CSE1L: variants seen among roughly 807,000 people sequenced by gnomAD.
The protein encoded by CSE1L is exportin-2.
A neutral mutation model predicts 120.4 loss-of-function variants in CSE1L; 24 were observed. That is an observed-to-expected ratio of 0.20 (90% confidence interval 0.14 to 0.28). The LOEUF is 0.28. Among genes scored for constraint, CSE1L ranks in the 10% least tolerant of loss-of-function variants. The pLI is 1.00. For synonymous variants in CSE1L, 402 were observed against 398.3 expected (o/e 1.01, Z -0.11); for missense variants, 830 against 1,145.2 (o/e 0.72, Z 3.97).
chr20:49,068,088 G>T (rs1454556467), intron 6 of CSE1L, among the ~76,000 whole-genome samples: 3 of 151,932 alleles, frequency 2.0e-5, no homozygotes, highest in Admixed American at 1.3e-4. Flanking sequence ...GAATAATAAA[G>T]AATTGGAAAC....
chr20:49,071,227 G>T (rs2091929181), intron 8 of CSE1L, among the ~76,000 whole-genome samples: 1 of 152,198 alleles, frequency 6.6e-6, no homozygotes, highest in Non-Finnish European at 1.5e-5. Flanking sequence ...TTGTACAACA[G>T]ATTTTGTCTC....
chr20:49,085,287 A>G lies in CSE1L; in HGVS notation c.1624A>G (p.Thr542Ala). The change falls in exon 16 of 25, where the codon ACA becomes GCA. Residue 542 changes from threonine to alanine, a missense_variant. Thr to Ala is a moderately conservative substitution (Grantham distance 58, BLOSUM62 0). Transcript: ENST00000262982. ...AAGCTGTTTTTTCATCTATAGCTTT[A>G]CAGCTGCAGAAATCGCACCGTTTGT... ...MRGPNNATLF[T>A]AAEIAPFVEI... 1 of 1,613,704 alleles carries G rather than the reference A, an allele frequency of 6.2e-7. No individual in the cohort carries two copies. Among genetic ancestry groups the G allele is most frequent in the Non-Finnish European group, 8.5e-7 (1 of 1,179,660 alleles).
intron 16 of CSE1L, among the ~76,000 whole-genome samples, chr20:49,086,359 CTTTTTTTTTT>C (rs10648977): frequency 1.0e-4 from 8 of 77,644 alleles, no homozygotes; most frequent in African/African-American, 3.0e-4. Context: ...GTTTAATGTC[CTTTTTTTTTT>C]TTTTTTTTTT....
rs868741407 is a variant in CSE1L, at chr20:49,096,829, A to G, written c.*391A>G. The G allele has an allele frequency of 1.2e-5, 2 of 171,434 alleles. No homozygotes were observed. The highest frequency in any genetic ancestry group is 1.6e-4 in the South Asian group (1 of 6,358). The allele number at this position is 171,434 out of a possible 1,614,324, so 10.6% of individuals were successfully genotyped here. A position where few individuals can be genotyped will look rare whatever the true frequency, so the allele number is the denominator to read the frequency against. On this transcript the variant is annotated 3_prime_UTR_variant, in exon 25 of 25. Transcript: ENST00000262982. The stretch of plus-strand genomic sequence containing the variant: ...TGTCCTTTATATTTTTTGTCTGTTT[A>G]TTTACGCTTTTATTGGAAATGTGAA...
At position 49,083,118 on chromosome 20, in the gene CSE1L, G is replaced by A. The variant is rs979662918; in HGVS notation, c.1483-908G>A. ...CAGCTCACTGCAACCTCCGCCTCCT[G>A]GGTTGAAGCCATTCTTCTGCCTCAG... On this transcript the variant is annotated intron_variant, in intron 14 of 24. Coordinates refer to ENST00000262982, the MANE Select transcript of CSE1L (RefSeq NM_001316.4). Among the ~76,000 whole-genome samples the A allele has an allele frequency of 6.6e-5, 10 of 151,690 alleles. No individual in the cohort carries two copies. In the East Asian group the frequency reaches 1.7e-3, roughly 27 times the overall value.
At chr20:49,094,522 A>T (rs1418240971) in intron 23 of CSE1L, among the ~76,000 whole-genome samples, 1 of 152,148 alleles carries the variant, frequency 6.6e-6, no homozygotes, top group African/African-American at 2.4e-5. Context: ...GGTGATCTCT[A>T]AGACAATTTT....
Position 49,084,089 on chromosome 20 carries a change from A to G in CSE1L, c.1546A>G (p.Ile516Val), listed in dbSNP as rs752785644. Residue 516 changes from isoleucine to valine, a missense_variant, in exon 15 of 25, where the codon ATT (isoleucine) becomes GTT (valine). This residue lies in a region of CSE1L where 543 missense variants were observed against 640.2 expected (regional missense o/e 0.85). Transcript: ENST00000262982. ...LLINHLQAES[I>V]VVHTYAAHAL... ...GATTAATCATCTTCAAGCTGAAAGT[A>G]TTGTTGTTCATACTTACGCAGCTCA... The G allele has an allele frequency of 2.5e-6, 4 of 1,614,014 alleles. No homozygotes were observed. The highest frequency in any genetic ancestry group is 3.4e-6 in the Non-Finnish European group (4 of 1,179,918).
chr20:49,080,278 T>TC (rs1425324803), intron 14 of CSE1L, among the ~76,000 whole-genome samples: 3 of 150,512 alleles, frequency 2.0e-5, no homozygotes, highest in African/African-American at 7.3e-5. Context: ...TTGTTTTTTT[T>TC]TTTTTGCTCA....
chr20:49,093,503 G>A (rs895529647), intron 22 of CSE1L, among the ~76,000 whole-genome samples: 1 of 148,780 alleles, frequency 6.7e-6, no homozygotes, highest in African/African-American at 2.5e-5. Flanking sequence ...ACCCAAAAAT[G>A]TTAAAACTAG....
intron 19 of CSE1L, 120 bp from the exon 20 acceptor site, chr20:49,090,622 A>T: frequency 1.3e-6 from 1 of 754,044 alleles, no homozygotes; most frequent in South Asian, 1.8e-5. Context: ...TTCAGAAATA[A>T]TTAAAGAGAA....
At chr20:49,064,045 T>G (rs1254211789) in intron 3 of CSE1L, among the ~76,000 whole-genome samples, 1 of 152,174 alleles carries the variant, frequency 6.6e-6, no homozygotes, top group African/African-American at 2.4e-5. Context: ...CAGGGGACAT[T>G]TGGCAGTATA....
intron 12 of CSE1L, 51 bp downstream of exon 12, chr20:49,075,571 C>A: frequency 7.0e-7 from 1 of 1,421,538 alleles, no homozygotes; most frequent in Non-Finnish European, 9.9e-7. Context: ...CAGTGACACC[C>A]ACACAAGTCA....
intron 3 of CSE1L, among the ~76,000 whole-genome samples, chr20:49,064,208 G>T (rs1253296769): frequency 6.6e-6 from 1 of 152,214 alleles, no homozygotes; most frequent in East Asian, 1.9e-4. Flanking sequence ...GCTCATGATA[G>T]AGAAAAAGAT....
In CSE1L at chr20:49,094,159, GA is replaced by G; in HGVS notation, c.2473del (p.Ile825LeufsTer13). The G allele has an allele frequency of 6.3e-7, 1 of 1,575,538 alleles. No individual in the cohort carries two copies. The highest frequency in any genetic ancestry group is 8.7e-7 in the Non-Finnish European group (1 of 1,150,586). On this transcript the variant is annotated frameshift_variant, in exon 23 of 25. Transcript: ENST00000262982. LOFTEE classifies it high-confidence loss of function. ...TAATAGAATGTTTGGAATGGTTTTG[GA>G]AAAAATTATTATTCCTGAAATTCAG... is the stretch of plus-strand genomic sequence containing the variant. The part of the protein sequence containing the change: ...IQPKMFGMVL[E>X]KIIIPEIQKV...
intron 16 of CSE1L, 80 bp from the exon 17 acceptor site, chr20:49,087,929 C>T (rs971890395): frequency 6.5e-5 from 56 of 865,530 alleles, no homozygotes; most frequent in Admixed American, 5.8e-4. Flanking sequence ...TGAATTAGTG[C>T]GCTTTTTTCC....
intron 19 of CSE1L, 106 bp downstream of exon 19, chr20:49,089,852 G>T: frequency 2.8e-6 from 3 of 1,086,462 alleles, no homozygotes; most frequent in Non-Finnish European, 4.0e-6. Flanking sequence ...AAGGCTGGGG[G>T]CAGTGGCTCA....
At chr20:49,051,953 T>A (rs1285709195) in intron 1 of CSE1L, among the ~76,000 whole-genome samples, 1 of 152,134 alleles carries the variant, frequency 6.6e-6, no homozygotes, top group African/African-American at 2.4e-5. Flanking sequence ...GCCTCGGCCT[T>A]CCAAAGCGCT....
rs772548087 is a variant in CSE1L at position 49,072,435 on chromosome 20, A to G, written c.918A>G (p.Gln306=). The change falls in exon 9 of 25, where the codon CAA becomes CAG. Residue 306 remains glutamine, a synonymous_variant. Transcript: ENST00000262982. ...GGAATTTACTAGTTACAACGGGTCA[A>G]GAGGTTAAATATGATTTGGTAAGAT... ...AIWNLLVTTG[Q]EVKYDLLVSN... 10 of 1,614,082 alleles carry G rather than the reference A, an allele frequency of 6.2e-6. No individual in the cohort carries two copies. The highest frequency in any genetic ancestry group is 1.7e-5 in the Admixed American group (1 of 59,978).
At chr20:49,067,317 A>G in intron 6 of CSE1L, 37 bp downstream of exon 6, 1 of 1,328,922 alleles carries the variant, frequency 7.5e-7, no homozygotes. Context: ...TTAAATTAAT[A>G]TTTTAAATTG....
Sources: gnomAD v4.1 joint callset for allele counts (sites outside exome capture counted in the v4.1 genomes callset) on GRCh38, gnomAD v4.1.1 for gene constraint, gnomAD v4.1.1 regional missense constraint, MANE v1.5 for transcripts, NCBI Gene and HGNC (gene_info 2026-07-23, HGNC 2026-07-21) for gene names.